The following GNAQ variants were observed in gnomAD, a reference collection of about 807,000 sequenced individuals.
GNAQ encodes the protein guanine nucleotide-binding protein G(q) subunit alpha.
A neutral mutation model predicts 43.9 loss-of-function variants in GNAQ; 8 were observed. That is an observed-to-expected ratio of 0.18 (90% CI 0.11 to 0.33). GNAQ has a LOEUF of 0.33. Among genes scored for constraint, GNAQ ranks in the 10% least tolerant of loss-of-function variants. GNAQ has a pLI of 1.00. For synonymous variants in GNAQ, 155 were observed against 170.7 expected (o/e 0.91, Z 0.71); for missense variants, 158 against 450.8 (o/e 0.35, Z 5.88).
chr9:77,831,164 G>A (rs1827292439), intron 2 of GNAQ, among the ~76,000 whole-genome samples: 1 of 152,110 alleles, frequency 6.6e-6, no homozygotes, highest in Non-Finnish European at 1.5e-5. Flanking sequence ...AGTAAGTAGT[G>A]ACTTAAGCAG....
chr9:77,821,708 G>A (rs902532272), intron 2 of GNAQ, among the ~76,000 whole-genome samples: 1 of 145,702 alleles, frequency 6.9e-6, no homozygotes, highest in Admixed American at 6.9e-5. Context: ...TTATGATGTT[G>A]TACTATCCTA....
chr9:77,838,211 T>C (rs968925865), intron 2 of GNAQ, among the ~76,000 whole-genome samples: 1 of 149,442 alleles, frequency 6.7e-6, no homozygotes, highest in African/African-American at 2.5e-5. Flanking sequence ...TGGCGCAATC[T>C]TGAGTCACCG....
chr9:78,000,840 A>G (rs1427130812), intron 1 of GNAQ, among the ~76,000 whole-genome samples: 3 of 152,296 alleles, frequency 2.0e-5, no homozygotes, highest in Admixed American at 2.0e-4. Context: ...AAAAACCCTC[A>G]CAGAAAAAAA....
At chr9:77,966,302 T>C (rs1287058097) in intron 1 of GNAQ, among the ~76,000 whole-genome samples, 1 of 152,204 alleles carries the variant, frequency 6.6e-6, no homozygotes, top group Non-Finnish European at 1.5e-5. Flanking sequence ...ATATTAAATA[T>C]GTGCAGCTTA....
At chr9:77,891,343 T>G (rs1317397941) in intron 2 of GNAQ, among the ~76,000 whole-genome samples, 1 of 152,246 alleles carries the variant, frequency 6.6e-6, no homozygotes, top group Non-Finnish European at 1.5e-5. Flanking sequence ...AGTTTCTGTA[T>G]ATTTTTGTTG....
At chr9:77,934,772 T>C (rs927357466) in intron 1 of GNAQ, among the ~76,000 whole-genome samples, 3 of 152,122 alleles carry the variant, frequency 2.0e-5, no homozygotes, top group Non-Finnish European at 4.4e-5. Context: ...TGCAGAGCAG[T>C]TACTGACCTT....
intron 3 of GNAQ, among the ~76,000 whole-genome samples, chr9:77,815,106 A>G (rs1826991387): frequency 6.6e-6 from 1 of 152,214 alleles, no homozygotes; most frequent in African/African-American, 2.4e-5. Context: ...CCTATCCATC[A>G]ACATAATAGT....
rs144882665 is a variant in GNAQ, at chr9:77,751,526, G to T, written c.736-22859C>A. Among the ~76,000 whole-genome samples the T allele has an allele frequency of 2.2e-4, 34 of 152,278 alleles. No homozygotes were observed. In the East Asian group the frequency reaches 6.4e-3, roughly 29 times the overall value. On this transcript the variant is annotated intron_variant, in intron 5 of 6. Transcript: ENST00000286548. ...AGAAAGCCCAGTAGAGAAAAGACAT[G>T]AATAAGTGCGGTTAGCCTAGAAGCG...
At chr9:77,812,863 T>C (rs915628694) in intron 3 of GNAQ, among the ~76,000 whole-genome samples, 2 of 151,988 alleles carry the variant, frequency 1.3e-5, no homozygotes, top group Non-Finnish European at 2.9e-5. Flanking sequence ...GTGACGTATG[T>C]CTACATATAT....
Position 77,718,726 on chromosome 9 carries a change from AT to A in GNAQ, c.*2596del, listed in dbSNP as rs754786107. ...GTAGGCCTTCAAATGTTGTTGTTTAATTTTTTTTTTTTTTTTTTTTTTTTTT... is the reference window on the plus strand; with the variant it reads ...GTAGGCCTTCAAATGTTGTTGTTTAATTTTTTTTTTTTTTTTTTTTTTTTT... On this transcript the variant is annotated 3_prime_UTR_variant, in exon 7 of 7. Transcript: ENST00000286548. 0.019 allele frequency: 2,164 copies of A among 113,134 alleles called. 1 individual carries two copies. The highest frequency in any genetic ancestry group is 0.047 in the East Asian group (380 of 8,100). The allele number at this position is 113,134 out of a possible 1,614,324, so 7.0% of individuals were successfully genotyped here. A position where few individuals can be genotyped will look rare whatever the true frequency, so the allele number is the denominator to read the frequency against.
intron 2 of GNAQ, among the ~76,000 whole-genome samples, chr9:77,905,931 G>T (rs371829599): frequency 1.3e-5 from 2 of 152,050 alleles, no homozygotes; most frequent in African/African-American, 2.4e-5. Context: ...GAGCTGTCAG[G>T]GGGTGGGAGA....
intron 1 of GNAQ, among the ~76,000 whole-genome samples, chr9:77,985,743 C>T (rs1823427263): frequency 6.6e-6 from 1 of 151,956 alleles, no homozygotes; most frequent in Non-Finnish European, 1.5e-5. Flanking sequence ...TGCACCACCA[C>T]ACCCGGCTAA....
intron 1 of GNAQ, among the ~76,000 whole-genome samples, chr9:78,029,670 A>T (rs1271955686): frequency 6.6e-6 from 1 of 152,170 alleles, no homozygotes; most frequent in African/African-American, 2.4e-5. Flanking sequence ...TGTGATCAGT[A>T]TATTTTGTTC....
chr9:77,827,674 T>C (rs1436532337), intron 2 of GNAQ, among the ~76,000 whole-genome samples: 17 of 152,036 alleles, frequency 1.1e-4, no homozygotes, highest in Admixed American at 1.1e-3. Flanking sequence ...CTGGATAGTA[T>C]ATAATGACCG....
At chr9:77,726,794 TTGTC>T (rs1327755246) in intron 6 of GNAQ, among the ~76,000 whole-genome samples, 1 of 152,230 alleles carries the variant, frequency 6.6e-6, no homozygotes, top group Non-Finnish European at 1.5e-5. Context: ...CTAAATAAAT[TTGTC>T]TGAGGCAACA....
chr9:77,970,222 C>CAAAA (rs139514787), intron 1 of GNAQ, among the ~76,000 whole-genome samples: 1 of 145,754 alleles, frequency 6.9e-6, no homozygotes, highest in Non-Finnish European at 1.5e-5. Flanking sequence ...TCCATCTCCA[C>CAAAA]AAAAAAAAAA....
At chr9:77,980,039 C>T (rs1447483638) in intron 1 of GNAQ, among the ~76,000 whole-genome samples, 1 of 152,174 alleles carries the variant, frequency 6.6e-6, no homozygotes, top group Non-Finnish European at 1.5e-5. Flanking sequence ...AGAATCAATG[C>T]TGCACAACAG....
chr9:77,792,626 A>G (rs1460886638), intron 5 of GNAQ, among the ~76,000 whole-genome samples: 1 of 152,108 alleles, frequency 6.6e-6, no homozygotes, highest in Non-Finnish European at 1.5e-5. Flanking sequence ...TTTCTTTTCT[A>G]TTTTGATAAT....
intron 5 of GNAQ, among the ~76,000 whole-genome samples, chr9:77,767,207 T>C (rs1826150805): frequency 1.3e-5 from 2 of 152,136 alleles, no homozygotes; most frequent in African/African-American, 4.8e-5. Flanking sequence ...GCAGGGTTTT[T>C]CAACCTCGAC....
Sources: allele counts gnomAD v4.1 joint callset (sites outside exome capture counted in the v4.1 genomes callset), GRCh38; gene constraint gnomAD v4.1.1; transcripts MANE v1.5; gene names NCBI Gene and HGNC (gene_info 2026-07-23, HGNC 2026-07-21).